The following MBOAT7 variants were observed in gnomAD, a reference collection of about 807,000 sequenced individuals.
MBOAT7 encodes the protein membrane bound acylglycerophosphatidylinositol O-acyltransferase MBOAT7.
MBOAT7 carries 40 observed loss-of-function variants against 47.4 expected under a neutral mutation model. The observed-to-expected ratio is 0.84, with a 90% CI of 0.66 to 1.10. The LOEUF (loss-of-function observed/expected upper bound fraction) is 1.10. Ranked by LOEUF, MBOAT7 falls within the 50% of genes least tolerant of loss-of-function variation. The probability of loss-of-function intolerance (pLI) is 0.00; values close to 1 mark genes in which losing one functional copy is unlikely to be tolerated. For missense variants in MBOAT7, 680 were observed against 655.6 expected (o/e 1.04, Z -0.41); for synonymous variants, 361 against 292.0 (o/e 1.24, Z -2.41).
chr19:54,183,311 T>C (rs747867141), intron 5 of MBOAT7, among the ~76,000 whole-genome samples: 4 of 152,228 alleles, frequency 2.6e-5, no homozygotes, highest in Non-Finnish European at 5.9e-5. Flanking sequence ...GAGCAAGGAA[T>C]TGCTTAGGTT....
intron 5 of MBOAT7, among the ~76,000 whole-genome samples, chr19:54,183,319 G>A (rs984632247): frequency 6.6e-6 from 1 of 152,176 alleles, no homozygotes; most frequent in East Asian, 1.9e-4. Flanking sequence ...AATTGCTTAG[G>A]TTGAGACAGC....
At chr19:54,188,637 T>C in intron 1 of MBOAT7, 126 bp from the exon 2 acceptor site, 2 of 852,988 alleles carry the variant, frequency 2.3e-6, no homozygotes, top group Non-Finnish European at 3.6e-6. Context: ...AGTATGAGCC[T>C]CAGCTCCTCT....
chr19:54,182,561 T>C (rs1346597688), intron 5 of MBOAT7, among the ~76,000 whole-genome samples: 1 of 151,774 alleles, frequency 6.6e-6, no homozygotes, highest in East Asian at 1.9e-4. Context: ...TGGATGAGTA[T>C]GTGAATTAGA....
rs1156927807 is a variant in MBOAT7 at position 54,187,239 on chromosome 19, G to A, written c.255C>T (p.Phe85=). 1.9e-6 allele frequency: 3 copies of A among 1,609,664 alleles called. No homozygotes were observed. The African/African-American group carries it at 4.0e-5, about 21-fold the overall frequency. The change falls in exon 4 of 8, where the codon TTC becomes TTT. Residue 85 remains phenylalanine (F), a synonymous_variant. Coordinates refer to ENST00000245615, the MANE Select transcript of MBOAT7 (RefSeq NM_024298.5). The part of the protein sequence containing the change: ...ALAWTFSYLL[F]FRALSLLGLP... ...GGCCCAGGAGGCTGAGGGCTCGGAAGAACAGGAGATAGGAGAAAGTCCAGG... is the reference window on the plus strand; with the variant it reads ...GGCCCAGGAGGCTGAGGGCTCGGAAAAACAGGAGATAGGAGAAAGTCCAGG...
In MBOAT7 at chr19:54,188,291, G is replaced by A. The variant is rs568163323; in HGVS notation, c.132C>T (p.Phe44=). The A allele has an allele frequency of 3.9e-5, 63 of 1,614,036 alleles. No homozygotes were observed. In the South Asian group the frequency reaches 5.3e-4, roughly 14 times the overall value. ...AATGCAAAGTGTGGGGGCCACAGGT[G>A]AACAGGGTGAGCCCCAGGCCCACAG... ...AAAVGLGLTL[F]TCGPHTLHSL... The change falls in exon 3 of 8, where the codon TTC becomes TTT. Residue 44 remains phenylalanine (F), a synonymous_variant. Coordinates refer to ENST00000245615, the MANE Select transcript of MBOAT7 (RefSeq NM_024298.5).
intron 4 of MBOAT7, among the ~76,000 whole-genome samples, chr19:54,186,344 G>T (rs76677814): frequency 6.6e-6 from 1 of 152,244 alleles, no homozygotes; most frequent in East Asian, 1.9e-4. Context: ...ATTTAAAACT[G>T]GTCACATTGC....
intron 4 of MBOAT7, among the ~76,000 whole-genome samples, chr19:54,184,449 C>T (rs2076375966): frequency 6.6e-6 from 1 of 152,060 alleles, no homozygotes; most frequent in African/African-American, 2.4e-5. Flanking sequence ...AATAGATCTC[C>T]TTCTTCCAGC....
chr19:54,183,879 T>C (rs946649439), intron 4 of MBOAT7, among the ~76,000 whole-genome samples, 199 bp from the exon 5 acceptor site: 29 of 152,214 alleles, frequency 1.9e-4, no homozygotes, highest in Admixed American at 1.8e-3. Flanking sequence ...TTCCCTGTTC[T>C]GTGCTTACCT....
At chr19:54,179,121 A>T in intron 6 of MBOAT7, 180 bp from the exon 7 acceptor site, 5 of 771,332 alleles carry the variant, frequency 6.5e-6, no homozygotes, top group Non-Finnish European at 1.0e-5. Context: ...CCTGTAGGGT[A>T]GGAAGGTGGG....
In MBOAT7 at chr19:54,187,228, A is replaced by C. The variant is rs2076453061; in HGVS notation, c.266T>G (p.Leu89Arg). 1 of 1,607,440 alleles carries C rather than the reference A, an allele frequency of 6.2e-7. No individual in the cohort carries two copies. The highest frequency in any genetic ancestry group is 8.5e-7 in the Non-Finnish European group (1 of 1,177,544). ...GGGAGTGGGCAGGCCCAGGAGGCTGAGGGCTCGGAAGAACAGGAGATAGGA... is the reference window on the plus strand; with the variant it reads ...GGGAGTGGGCAGGCCCAGGAGGCTGCGGGCTCGGAAGAACAGGAGATAGGA... ...TFSYLLFFRA[L>R]SLLGLPTPTP... Residue 89 changes from leucine (L) to arginine (R), a missense_variant, in exon 4 of 8, where the codon CTC becomes CGC. By Grantham distance (102) the Leu-to-Arg change is moderately radical. Coordinates refer to ENST00000245615, the MANE Select transcript of MBOAT7 (RefSeq NM_024298.5).
Position 54,173,593 on chromosome 19 carries a change from T to C in MBOAT7, c.*451A>G, listed in dbSNP as rs2075974835. Reference sequence around the variant, plus strand: ...TTTCCCCTTTGTGAAATGGGAAGCTTATGCTTCCTTCCAAGTCTGCAATAT... The same window carrying C: ...TTTCCCCTTTGTGAAATGGGAAGCTCATGCTTCCTTCCAAGTCTGCAATAT... On this transcript the variant is annotated 3_prime_UTR_variant, in exon 8 of 8. Coordinates refer to ENST00000245615, the MANE Select transcript of MBOAT7 (RefSeq NM_024298.5). The C allele has an allele frequency of 5.5e-6, 1 of 182,728 alleles. No individual in the cohort carries two copies. Among genetic ancestry groups the C allele is most frequent in the South Asian group, 1.5e-4 (1 of 6,536 alleles). The allele number at this position is 182,728 out of a possible 1,614,324, so 11.3% of individuals were successfully genotyped here.
rs1209271522 is a variant in MBOAT7 at position 54,174,000 on chromosome 19, A to C, written c.*44T>G. On this transcript the variant is annotated 3_prime_UTR_variant, in exon 8 of 8. Coordinates refer to ENST00000245615, the MANE Select transcript of MBOAT7 (RefSeq NM_024298.5). ...TGGGGAGGAGACAGCAGCCTGGTTC[A>C]CAGAATTCCCGGGACCAGCTGGCAG... 1 of 1,528,810 alleles carries C rather than the reference A, an allele frequency of 6.5e-7. No individual in the cohort carries two copies. 94.7% of individuals were successfully genotyped at this position (1,528,810 alleles called of 1,614,324 possible). A position where few individuals can be genotyped will look rare whatever the true frequency, so the allele number is the denominator to read the frequency against.
At chr19:54,179,982 C>T (rs1025031183) in intron 6 of MBOAT7, 1 of 152,218 alleles carries the variant, frequency 6.6e-6, no homozygotes, top group Non-Finnish European at 1.5e-5. Flanking sequence ...CTTCCTCAGC[C>T]ACAAGAGAGT....
rs946403474 is a variant in MBOAT7, at chr19:54,179,131, G to A, written c.855-190C>T. 5.9e-6 allele frequency: 4 copies of A among 681,556 alleles called. No homozygotes were observed. The African/African-American group carries it at 7.2e-5, about 12-fold the overall frequency. The allele number at this position is 681,556 out of a possible 1,614,324, so 42.2% of individuals were successfully genotyped here. A position where few individuals can be genotyped will look rare whatever the true frequency, so the allele number is the denominator to read the frequency against. ...GGGTGCCTGTAGGGTAGGAAGGTGG[G>A]TGGGCTGGGTGGTACAGTCCACTGA... is the stretch of plus-strand genomic sequence containing the variant. On this transcript the variant is annotated intron_variant, in intron 6 of 7. Coordinates refer to ENST00000245615, the MANE Select transcript of MBOAT7 (RefSeq NM_024298.5).
intron 7 of MBOAT7, among the ~76,000 whole-genome samples, chr19:54,175,133 G>C (rs542668040): frequency 2.0e-5 from 3 of 151,876 alleles, no homozygotes; most frequent in Admixed American, 6.6e-5. Flanking sequence ...CTGCCACCAC[G>C]CCCGGCTAAT....
chr19:54,188,354 G>A lies in MBOAT7; in HGVS notation c.77-8C>T, dbSNP rs750577991. On this transcript the variant is annotated splice_region_variant and splice_polypyrimidine_tract_variant and intron_variant, in intron 2 of 7. Coordinates refer to ENST00000245615, the MANE Select transcript of MBOAT7 (RefSeq NM_024298.5). ...ATCTCTTCAGCCCAGGACCTGCAGG[G>A]GGAAGGGACAGCATAAGCCTGGAAC... is the stretch of plus-strand genomic sequence containing the variant. 2 of 1,613,148 alleles carry A rather than the reference G, an allele frequency of 1.2e-6. No homozygotes were observed. The highest frequency in any genetic ancestry group is 2.2e-5 in the East Asian group (1 of 44,816).
chr19:54,181,432 G>A (rs1274591711), intron 5 of MBOAT7, among the ~76,000 whole-genome samples: 1 of 151,972 alleles, frequency 6.6e-6, no homozygotes, highest in African/African-American at 2.4e-5. Flanking sequence ...TAGCTGGGAG[G>A]ACTGCTTGAG....
At position 54,187,168 on chromosome 19, in the gene MBOAT7, G is replaced by A. The variant is rs778130798; in HGVS notation, c.326C>T (p.Thr109Met). ...PFTNAVQLLL[T>M]LKLVSLASEV... ...GCAAGCCCCGAGTCTGACCTTCAGCGTCAGCAGCAGCTGGACGGCATTGGT... is the reference window on the plus strand; with the variant it reads ...GCAAGCCCCGAGTCTGACCTTCAGCATCAGCAGCAGCTGGACGGCATTGGT... Residue 109 changes from threonine to methionine, a missense_variant, in exon 4 of 8, where the codon ACG becomes ATG. Physicochemically the swap from Thr to Met is moderately conservative, Grantham distance 81 (BLOSUM62 -1). Transcript: ENST00000245615. The A allele has an allele frequency of 5.7e-6, 9 of 1,569,106 alleles. No homozygotes were observed. The South Asian group carries it at 5.8e-5, about 10-fold the overall frequency.
chr19:54,188,999 C>A (rs1457839020), intron 1 of MBOAT7, among the ~76,000 whole-genome samples: 2 of 149,992 alleles, frequency 1.3e-5, no homozygotes, highest in Non-Finnish European at 3.0e-5. Context: ...GATCCCCCAT[C>A]CCCCGGCCCT....
Sources: gnomAD v4.1 joint callset for allele counts (sites outside exome capture counted in the v4.1 genomes callset) on GRCh38, gnomAD v4.1.1 for gene constraint, MANE v1.5 for transcripts, NCBI Gene and HGNC (gene_info 2026-07-23, HGNC 2026-07-21) for gene names.